The following LMF1 variants were observed in gnomAD, a reference collection of about 807,000 sequenced individuals.
The protein encoded by LMF1 is transmembrane protein 112.
A neutral mutation model predicts 60.6 loss-of-function variants in LMF1; 68 were observed. That is an observed-to-expected ratio of 1.12 (90% confidence interval 0.92 to 1.37). LMF1 has a LOEUF of 1.37. Ranked by LOEUF, LMF1 falls within the 40% of genes most tolerant of loss-of-function variation. LMF1 has a pLI of 0.00. For missense variants in LMF1, 948 were observed against 767.2 expected (o/e 1.24, Z -2.78); for synonymous variants, 418 against 324.7 (o/e 1.29, Z -3.09).
At chr16:869,652 A>G in intron 9 of LMF1, 1 of 655,444 alleles carries the variant, frequency 1.5e-6, no homozygotes, top group Non-Finnish European at 2.8e-6. Context: ...GGCATGAGAC[A>G]CTACCTGGCA....
At chr16:908,874 C>T (rs904436323) in intron 4 of LMF1, among the ~76,000 whole-genome samples, 4 of 152,318 alleles carry the variant, frequency 2.6e-5, no homozygotes, top group South Asian at 2.1e-4. Flanking sequence ...CACCCCCGTG[C>T]GGCTGGGGCA....
rs951149154 is a variant in LMF1, at chr16:878,535, C to T, written c.897+1035G>A. On this transcript the variant is annotated intron_variant, in intron 6 of 10. Coordinates refer to ENST00000262301, the MANE Select transcript of LMF1 (RefSeq NM_022773.4). The surrounding 1 kb of genome is among the most constrained non-coding windows in gnomAD (Gnocchi z 5.2). ...AGGATGACGAGATTGCACCTCTGCA[C>T]GGCAGGCTGTGGTGAAAACCAGAAA... 6.6e-6 allele frequency among the ~76,000 whole-genome samples: 1 copy of T among 152,242 alleles called. No individual in the cohort carries two copies. Among genetic ancestry groups the T allele is most frequent in the Admixed American group, 6.5e-5 (1 of 15,284 alleles).
At chr16:934,152 A>G (rs1436036234) in intron 3 of LMF1, 92 bp downstream of exon 3, 2 of 1,594,552 alleles carry the variant, frequency 1.3e-6, no homozygotes, top group Non-Finnish European at 1.7e-6. Context: ...GAGGCTAAGG[A>G]AGGGGAGAGG....
chr16:914,617 C>CTCCT (rs200903968), intron 3 of LMF1, among the ~76,000 whole-genome samples: 2 of 11,720 alleles, frequency 1.7e-4, no homozygotes, highest in South Asian at 2.4e-3. Flanking sequence ...CCCTCCCTCC[C>CTCCT]CATGACCATT....
chr16:964,656 C>A (rs979835098), intron 1 of LMF1, among the ~76,000 whole-genome samples: 1 of 152,218 alleles, frequency 6.6e-6, no homozygotes, highest in African/African-American at 2.4e-5. Flanking sequence ...CAGAACAAAA[C>A]CAACTGAGCA....
At chr16:910,873 C>T (rs2071090252) in intron 4 of LMF1, 58 bp downstream of exon 4, 2 of 1,599,594 alleles carry the variant, frequency 1.3e-6, no homozygotes, top group African/African-American at 1.3e-5. Context: ...CTAGAAGCCT[C>T]ACAGGTTAGA....
At chr16:954,076 G>A (rs1377748269) in intron 2 of LMF1, among the ~76,000 whole-genome samples, 1 of 150,814 alleles carries the variant, frequency 6.6e-6, no homozygotes, top group Non-Finnish European at 1.5e-5. Context: ...CACTGCTTCT[G>A]CCTCCCTTTC....
chr16:942,406 C>G (rs995915990), intron 2 of LMF1, among the ~76,000 whole-genome samples: 1 of 152,246 alleles, frequency 6.6e-6, no homozygotes, highest in African/African-American at 2.4e-5. Context: ...GTGTGCTGAG[C>G]TTCTTGGATT....
chr16:912,384 G>A (rs2071148467), intron 3 of LMF1, among the ~76,000 whole-genome samples: 1 of 152,176 alleles, frequency 6.6e-6, no homozygotes, highest in Non-Finnish European at 1.5e-5. Flanking sequence ...CCAACCATTG[G>A]TGCAACTCAT....
intron 4 of LMF1, among the ~76,000 whole-genome samples, chr16:910,143 A>T (rs1056473093): frequency 6.6e-6 from 1 of 152,244 alleles, no homozygotes; most frequent in African/African-American, 2.4e-5. Context: ...AGTGTGGCAG[A>T]CGTCAAAAGG....
chr16:859,970 A>G (rs887459775), intron 10 of LMF1, among the ~76,000 whole-genome samples: 4 of 149,132 alleles, frequency 2.7e-5, no homozygotes, highest in Admixed American at 2.7e-4. Context: ...ATGGTACCGG[A>G]TGGGTGTGCA....
At chr16:933,403 A>C (rs915798732) in intron 3 of LMF1, 1 of 153,016 alleles carries the variant, frequency 6.5e-6, no homozygotes. Flanking sequence ...AAGAATGAAG[A>C]AAGTGACCTC....
In LMF1 at chr16:855,861, G is replaced by A. The variant is rs776613440; in HGVS notation, c.1530-1155C>T. On this transcript the variant is annotated intron_variant, in intron 10 of 10. Transcript: ENST00000262301. ...GCACACAGCTGTGCTCTGGGGGCTG[G>A]GGGTGGAGACCTTGGGCCATGCCCC... 46 of 455,948 alleles carry A rather than the reference G, an allele frequency of 1.0e-4. 2 individuals carry two copies. The highest frequency in any genetic ancestry group is 7.0e-4 in the South Asian group (45 of 64,556). 28.2% of individuals were successfully genotyped at this position (455,948 alleles called of 1,614,324 possible). A position where few individuals can be genotyped will look rare whatever the true frequency, so the allele number is the denominator to read the frequency against.
intron 10 of LMF1, among the ~76,000 whole-genome samples, chr16:866,603 C>G (rs1285454480): frequency 6.6e-6 from 1 of 152,190 alleles, no homozygotes; most frequent in African/African-American, 2.4e-5. Context: ...TATTTGGCCT[C>G]CTCTGGTAGC....
intron 5 of LMF1, among the ~76,000 whole-genome samples, chr16:889,522 C>T (rs2070415410): frequency 6.6e-6 from 1 of 152,146 alleles, no homozygotes; most frequent in Non-Finnish European, 1.5e-5. Context: ...CTGCCTCTTG[C>T]TCTGTGCTGC....
chr16:867,933 TCTCCAGGCAG>T (rs1379131787), intron 10 of LMF1, among the ~76,000 whole-genome samples: 3 of 151,776 alleles, frequency 2.0e-5, no homozygotes, highest in Non-Finnish European at 4.4e-5. Context: ...TTGGCTGGGG[TCTCCAGGCAG>T]CTGTGAGCAA....
chr16:952,891 ACCCACCCCAAAC>A (rs1219623563), intron 2 of LMF1, among the ~76,000 whole-genome samples: 61 of 138,384 alleles, frequency 4.4e-4, no homozygotes, highest in African/African-American at 1.3e-3. Context: ...CCACACAGAC[ACCCACCCCAAAC>A]CAGCCTCCTA....
chr16:871,033 G>T (rs899090428), intron 7 of LMF1, 128 bp downstream of exon 7: 2 of 1,389,512 alleles, frequency 1.4e-6, no homozygotes, highest in Non-Finnish European at 9.6e-7. Context: ...TTCCTGGCAC[G>T]CTACACTGCG....
At chr16:967,800 C>T (rs1032119371) in intron 1 of LMF1, among the ~76,000 whole-genome samples, 2 of 152,172 alleles carry the variant, frequency 1.3e-5, no homozygotes, top group African/African-American at 2.4e-5. Flanking sequence ...CCAGGGCCTA[C>T]GGACAATCGC....
Sources: gnomAD v4.1 joint callset for allele counts (sites outside exome capture counted in the v4.1 genomes callset) on GRCh38, gnomAD v4.1.1 for gene constraint, Gnocchi (gnomAD v3.1) non-coding constraint, MANE v1.5 for transcripts, NCBI Gene and HGNC (gene_info 2026-07-23, HGNC 2026-07-21) for gene names.